Variants in HIF1AN observed in about 807,000 individuals in gnomAD.
The protein encoded by HIF1AN is hypoxia inducible factor 1 subunit alpha inhibitor.
HIF1AN carries 21 observed loss-of-function variants against 47.7 expected under a neutral mutation model. The ratio of observed to expected loss-of-function variants is 0.44; its 90% CI spans 0.31 to 0.63. The LOEUF (loss-of-function observed/expected upper bound fraction) is 0.63, where lower values mean the gene tolerates loss of function less well. Among genes scored for constraint, HIF1AN ranks in the 30% least tolerant of loss-of-function variants. The pLI is 0.07. For synonymous variants in HIF1AN, 152 were observed against 155.9 expected (o/e 0.98, Z 0.18); for missense variants, 320 against 432.7 (o/e 0.74, Z 2.31).
rs1843102223 is a variant in HIF1AN, at chr10:100,547,148, C to T, written c.903C>T (p.Pro301=). 1 of 1,612,070 alleles carries T rather than the reference C, an allele frequency of 6.2e-7. No individual in the cohort carries two copies. The highest frequency in any genetic ancestry group is 1.1e-5 in the South Asian group (1 of 90,824). Residue 301 remains proline (P), a synonymous_variant, in exon 7 of 8, where the codon CCC becomes CCT. Transcript: ENST00000299163. ...TACTGCTTCCTTTGTAGGGGGCTCCCACCCCTAAGAGAATTGAATATCCTC... is the reference window on the plus strand; with the variant it reads ...TACTGCTTCCTTTGTAGGGGGCTCCTACCCCTAAGAGAATTGAATATCCTC... ...ITVNFWYKGA[P]TPKRIEYPLK...
chr10:100,535,948 T>C lies in HIF1AN; in HGVS notation c.-11T>C. ...TTCCGGTTCCGGTGGGGGCCGTCCC[T>C]GGCGGCGGAGATGGCGGCGACAGCG... is the stretch of plus-strand genomic sequence containing the variant. On this transcript the variant is annotated 5_prime_UTR_variant, in exon 1 of 8. Transcript: ENST00000299163. The C allele has an allele frequency of 6.5e-7, 1 of 1,546,568 alleles. No individual in the cohort carries two copies. The highest frequency in any genetic ancestry group is 8.7e-7 in the Non-Finnish European group (1 of 1,146,450).
chr10:100,536,368 G>T (rs1188849738), intron 1 of HIF1AN, 43 bp from the exon 2 acceptor site: 1 of 1,605,136 alleles, frequency 6.2e-7, no homozygotes, highest in Non-Finnish European at 8.5e-7. Flanking sequence ...CGGCTCCTTG[G>T]CATTACTTCA....
At position 100,546,027 on chromosome 10, in the gene HIF1AN, G is replaced by A. The variant is rs1188609862; in HGVS notation, c.808G>A (p.Val270Ile). Residue 270 changes from valine (V) to isoleucine (I), a missense_variant, in exon 5 of 8, where the codon GTT becomes ATT. Val to Ile is a conservative substitution (Grantham distance 29). Around this residue, in one of 2 missense-constraint regions of HIF1AN, gnomAD observed 161 missense variants for 272.8 expected, o/e 0.59. Coordinates refer to ENST00000299163, the MANE Select transcript of HIF1AN (RefSeq NM_017902.3). ...CGAAACAGTGGTTGGCCCTGGTGAT[G>A]TTCTTTACATCCCAATGTACTGGTG... The part of the protein sequence containing the change: ...GYETVVGPGD[V>I]LYIPMYWWHH... 1 of 1,613,366 alleles carries A rather than the reference G, an allele frequency of 6.2e-7. No homozygotes were observed. The highest frequency in any genetic ancestry group is 1.1e-5 in the South Asian group (1 of 91,064).
In HIF1AN at chr10:100,553,479, G is replaced by A. The variant is rs1219828120; in HGVS notation, c.*5342G>A. ...GAAAGGCCCTGGCAGCTGGAGAGAT[G>A]AGAGGACCTAGTGGTCAGCTTATAC... On this transcript the variant is annotated 3_prime_UTR_variant, in exon 8 of 8. Transcript: ENST00000299163. 2 of 152,232 alleles carry A rather than the reference G, an allele frequency of 1.3e-5. No individual in the cohort carries two copies. Among genetic ancestry groups the A allele is most frequent in the East Asian group, 1.9e-4 (1 of 5,196 alleles). The allele number at this position is 152,232 out of a possible 1,614,324, so 9.4% of individuals were successfully genotyped here.
At position 100,536,441 on chromosome 10, in the gene HIF1AN, G is replaced by T; in HGVS notation, c.208G>T (p.Val70Leu). 1 of 1,614,122 alleles carries T rather than the reference G, an allele frequency of 6.2e-7. No individual in the cohort carries two copies. The stretch of plus-strand genomic sequence containing the variant: ...TGTGGTGCTGACCGACACAAATCTT[G>T]TGTATCCTGCCCTGAAATGGGACCT... ...EPVVLTDTNL[V>L]YPALKWDLEY... The change falls in exon 2 of 8, where the codon GTG becomes TTG. Residue 70 changes from valine (V) to leucine (L), a missense_variant. Val to Leu is a conservative substitution (Grantham distance 32). Around this residue, in one of 2 missense-constraint regions of HIF1AN, gnomAD observed 159 missense variants for 159.9 expected, o/e 0.99. Transcript: ENST00000299163.
chr10:100,538,800 G>A (rs548078383), intron 2 of HIF1AN, among the ~76,000 whole-genome samples: 14 of 134,142 alleles, frequency 1.0e-4, no homozygotes, highest in Non-Finnish European at 2.0e-4. Context: ...CAGCCTGGGT[G>A]ACAGTGAGAC....
rs929037813 is a variant in HIF1AN at position 100,557,062 on chromosome 10, T to G, written c.*8925T>G. 1 of 152,222 alleles carries G rather than the reference T, an allele frequency of 6.6e-6. No homozygotes were observed. The highest frequency in any genetic ancestry group is 2.4e-5 in the African/African-American group (1 of 41,448). 9.4% of individuals were successfully genotyped at this position (152,222 alleles called of 1,614,324 possible). ...ATAAAGTTGTGGAAGGGACTGAAAGTCCATGAAGTGCTGGGCTGGGGACAG... is the reference window on the plus strand; with the variant it reads ...ATAAAGTTGTGGAAGGGACTGAAAGGCCATGAAGTGCTGGGCTGGGGACAG... On this transcript the variant is annotated 3_prime_UTR_variant, in exon 8 of 8. Transcript: ENST00000299163.
In HIF1AN at chr10:100,548,433, T is replaced by C; in HGVS notation, c.*296T>C. ...CAGCTTTTGGTTGTCATCATGTCTG[T>C]GTGTATGTTAGTCTGTCAACTTCGG... On this transcript the variant is annotated 3_prime_UTR_variant, in exon 8 of 8. Transcript: ENST00000299163. 1 of 387,834 alleles carries C rather than the reference T, an allele frequency of 2.6e-6. No individual in the cohort carries two copies. Among genetic ancestry groups the C allele is most frequent in the Non-Finnish European group, 4.7e-6 (1 of 214,816 alleles). The allele number at this position is 387,834 out of a possible 1,614,324, so 24.0% of individuals were successfully genotyped here.
intron 1 of HIF1AN, 36 bp downstream of exon 1, chr10:100,536,171 A>G: frequency 6.4e-7 from 1 of 1,557,174 alleles, no homozygotes; most frequent in Non-Finnish European, 8.7e-7. Flanking sequence ...GGAGAGGAGG[A>G]AGGTACCCGG....
intron 3 of HIF1AN, among the ~76,000 whole-genome samples, chr10:100,544,475 A>C (rs913247034): frequency 1.1e-4 from 16 of 152,256 alleles, no homozygotes; most frequent in Non-Finnish European, 1.5e-5. Context: ...AGAATCTTTG[A>C]GTTCCACAGA....
Position 100,552,702 on chromosome 10 carries a change from G to A in HIF1AN, c.*4565G>A, listed in dbSNP as rs1010581289. The A allele has an allele frequency of 6.6e-6, 1 of 152,304 alleles. No individual in the cohort carries two copies. The highest frequency in any genetic ancestry group is 1.5e-5 in the Non-Finnish European group (1 of 68,162). The allele number at this position is 152,304 out of a possible 1,614,324, so 9.4% of individuals were successfully genotyped here. ...TTGTCCTTCCCTCAGAAACTCCATGGCTGCAAGTGTGAATAGACTTGTCTT... is the reference window on the plus strand; with the variant it reads ...TTGTCCTTCCCTCAGAAACTCCATGACTGCAAGTGTGAATAGACTTGTCTT... On this transcript the variant is annotated 3_prime_UTR_variant, in exon 8 of 8. Transcript: ENST00000299163.
Position 100,544,958 on chromosome 10 carries a change from G to T in HIF1AN, c.585G>T (p.Val195=), listed in dbSNP as rs1056255581. Residue 195 remains valine, a synonymous_variant, in exon 4 of 8, where the codon GTG becomes GTT. Transcript: ENST00000299163. ...NLLLIGMEGN[V]TPAHYDEQQN... ...ATGCCTTTCTTCTTACAGGAAATGT[G>T]ACACCTGCTCACTATGATGAGCAGC... 6.2e-7 allele frequency: 1 copy of T among 1,614,150 alleles called. No individual in the cohort carries two copies. The highest frequency in any genetic ancestry group is 8.5e-7 in the Non-Finnish European group (1 of 1,180,002).
In HIF1AN at chr10:100,548,987, GTGTT is replaced by G. The variant is rs757126188; in HGVS notation, c.*858_*861del. 638 of 152,622 alleles carry G rather than the reference GTGTT, an allele frequency of 4.2e-3. 2 individuals carry two copies. The highest frequency in any genetic ancestry group is 7.1e-3 in the Non-Finnish European group (486 of 68,350). The allele number at this position is 152,622 out of a possible 1,614,324, so 9.5% of individuals were successfully genotyped here. On this transcript the variant is annotated 3_prime_UTR_variant, in exon 8 of 8. Transcript: ENST00000299163. ...AGGTTCTAGGGGTGCAAGCCTCTGT[GTGTT>G]TGTTTGTGTGTGTCTGTGTGTGCGT...
chr10:100,536,375 T>G (rs780174798), intron 1 of HIF1AN, 36 bp from the exon 2 acceptor site: 1 of 1,607,540 alleles, frequency 6.2e-7, no homozygotes, highest in Admixed American at 1.7e-5. Context: ...TTGGCATTAC[T>G]TCATTTGGTG....
Position 100,536,006 on chromosome 10 carries a change from C to A in HIF1AN, c.48C>A (p.Pro16=). 1 of 1,572,988 alleles carries A rather than the reference C, an allele frequency of 6.4e-7. No homozygotes were observed. The highest frequency in any genetic ancestry group is 2.4e-5 in the East Asian group (1 of 42,266). ...CTGTGGCCTCTGGCTCTGGAGAGCC[C>A]CGGGAGGAGGCTGGAGCCCTCGGCC... ...AEAVASGSGE[P]REEAGALGPA... is the part of the protein sequence containing the mutation. Residue 16 remains proline (P), a synonymous_variant, in exon 1 of 8, where the codon CCC becomes CCA. Transcript: ENST00000299163.
At position 100,558,821 on chromosome 10, in the gene HIF1AN, G is replaced by A. The variant is rs1183149255; in HGVS notation, c.*10684G>A. ...ATGCAGTGGCATCAGGTGTTTCCTT[G>A]GTAGGTGTGCATCTTTTAATGATGG... On this transcript the variant is annotated 3_prime_UTR_variant, in exon 8 of 8. Coordinates refer to ENST00000299163, the MANE Select transcript of HIF1AN (RefSeq NM_017902.3). The A allele has an allele frequency of 6.6e-6, 1 of 152,178 alleles. No homozygotes were observed. Among genetic ancestry groups the A allele is most frequent in the Non-Finnish European group, 1.5e-5 (1 of 68,030 alleles). 9.4% of individuals were successfully genotyped at this position (152,178 alleles called of 1,614,324 possible).
intron 2 of HIF1AN, among the ~76,000 whole-genome samples, chr10:100,538,691 C>T (rs568949311): frequency 2.6e-5 from 4 of 151,744 alleles, no homozygotes; most frequent in East Asian, 3.9e-4. Context: ...CATGGTGGCA[C>T]GTGCCTGTAG....
In HIF1AN at chr10:100,548,212, C is replaced by T. The variant is rs560952851; in HGVS notation, c.*75C>T. The T allele has an allele frequency of 1.4e-5, 18 of 1,285,192 alleles. No homozygotes were observed. In the African/African-American group the frequency reaches 1.9e-4, roughly 14 times the overall value. 79.6% of individuals were successfully genotyped at this position (1,285,192 alleles called of 1,614,324 possible). On this transcript the variant is annotated 3_prime_UTR_variant, in exon 8 of 8. Coordinates refer to ENST00000299163, the MANE Select transcript of HIF1AN (RefSeq NM_017902.3). ...CCGCTTCATTGATGAGGACAGGAGA[C>T]TCCAAGCGCTAGTATTGCACGCTGC...
intron 7 of HIF1AN, 75 bp downstream of exon 7, chr10:100,547,325 A>T: frequency 1.2e-6 from 1 of 862,292 alleles, no homozygotes; most frequent in South Asian, 1.4e-5. Flanking sequence ...CATTCTTTAC[A>T]GCTTCTGTGT....
Sources: gnomAD v4.1 joint callset for allele counts (sites outside exome capture counted in the v4.1 genomes callset) on GRCh38, gnomAD v4.1.1 for gene constraint, gnomAD v4.1.1 regional missense constraint, MANE v1.5 for transcripts, NCBI Gene and HGNC (gene_info 2026-07-23, HGNC 2026-07-21) for gene names.